The following GRID2 variants were observed in gnomAD, a reference collection of about 807,000 sequenced individuals.
GRID2 encodes glutamate ionotropic receptor delta type subunit 2, also known as glutamate receptor ionotropic, delta-2.
A neutral mutation model predicts 114.8 loss-of-function variants in GRID2; 33 were observed. The ratio of observed to expected loss-of-function variants is 0.29; its 90% CI spans 0.22 to 0.38. The LOEUF is 0.38. Among genes scored for constraint, GRID2 ranks in the 10% least tolerant of loss-of-function variants. The pLI, the probability that GRID2 is intolerant of heterozygous loss-of-function variation, is 1.00. For synonymous variants in GRID2, 505 were observed against 449.9 expected (o/e 1.12, Z -1.55); for missense variants, 1,184 against 1,257.7 (o/e 0.94, Z 0.89).
At chr4:93,588,614 C>T (rs1737784400) in intron 13 of GRID2, among the ~76,000 whole-genome samples, 1 of 152,112 alleles carries the variant, frequency 6.6e-6, no homozygotes, top group African/African-American at 2.4e-5. Flanking sequence ...GATTCATACC[C>T]ACCCAGCTTC....
chr4:92,644,235 T>C (rs1046676556), intron 2 of GRID2, among the ~76,000 whole-genome samples: 1 of 151,754 alleles, frequency 6.6e-6, no homozygotes, highest in Non-Finnish European at 1.5e-5. Flanking sequence ...CAACATAAAA[T>C]TAAGGAAATT....
intron 13 of GRID2, among the ~76,000 whole-genome samples, chr4:93,607,862 C>A (rs548759647): frequency 6.6e-6 from 1 of 151,898 alleles, no homozygotes; most frequent in African/African-American, 2.4e-5. Context: ...ATTTTGCACA[C>A]GCTATTCTTT....
intron 14 of GRID2, among the ~76,000 whole-genome samples, chr4:93,630,263 C>T (rs1349020416): frequency 2.0e-5 from 3 of 152,058 alleles, no homozygotes; most frequent in Admixed American, 2.0e-4. Context: ...CTACCTGACA[C>T]GATTTGTCAT....
intron 11 of GRID2, among the ~76,000 whole-genome samples, chr4:93,473,243 G>A (rs1163652429): frequency 1.3e-5 from 2 of 151,800 alleles, no homozygotes; most frequent in African/African-American, 4.8e-5. Context: ...CAATCTTTGT[G>A]CACATCCATG....
chr4:92,472,260 A>T lies in GRID2; in HGVS notation c.89-117871A>T, dbSNP rs571094563. On this transcript the variant is annotated intron_variant, in intron 1 of 15. Transcript: ENST00000282020. ...TATCCATATTTCTATGAATGTCAAT[A>T]GTTCATTGCTTGTTATAAATTTATA... Among the ~76,000 whole-genome samples the T allele has an allele frequency of 1.6e-3, 244 of 152,214 alleles. 2 individuals carry two copies. The highest frequency in any genetic ancestry group is 1.2e-3 in the Admixed American group (19 of 15,268).
intron 8 of GRID2, among the ~76,000 whole-genome samples, chr4:93,244,878 C>T (rs1995457): frequency 0.54 from 81,144 of 150,740 alleles, 22,941 homozygotes; most frequent in Middle Eastern, 0.74. Context: ...TTTATGTTTT[C>T]TTAAAGCACT....
chr4:92,467,190 ATACC>A (rs1265407610), intron 1 of GRID2, among the ~76,000 whole-genome samples: 2 of 151,946 alleles, frequency 1.3e-5, no homozygotes, highest in African/African-American at 4.8e-5. Context: ...AAATGTGAAA[ATACC>A]TATGAAGTAT....
At chr4:92,551,564 T>C (rs1414566600) in intron 1 of GRID2, among the ~76,000 whole-genome samples, 1 of 152,154 alleles carries the variant, frequency 6.6e-6, no homozygotes, top group Non-Finnish European at 1.5e-5. Context: ...TTGTTTTAGC[T>C]AATCATTCAT....
At chr4:93,471,233 T>C (rs923751887) in intron 11 of GRID2, among the ~76,000 whole-genome samples, 1 of 152,212 alleles carries the variant, frequency 6.6e-6, no homozygotes, top group African/African-American at 2.4e-5. Flanking sequence ...GTGCAGATGA[T>C]ATTTTGATAA....
intron 5 of GRID2, among the ~76,000 whole-genome samples, chr4:93,215,692 G>A (rs970829625): frequency 7.2e-5 from 11 of 151,922 alleles, no homozygotes; most frequent in South Asian, 2.1e-4. Context: ...TATAAAGGAC[G>A]ATTTTTGAAT....
chr4:92,755,304 C>T (rs1737659829), intron 2 of GRID2, among the ~76,000 whole-genome samples: 1 of 152,124 alleles, frequency 6.6e-6, no homozygotes, highest in East Asian at 1.9e-4. Flanking sequence ...CTGCTCTTAG[C>T]ACTGGGGATA....
intron 2 of GRID2, among the ~76,000 whole-genome samples, chr4:92,665,474 C>A (rs1046031803): frequency 6.6e-6 from 1 of 151,120 alleles, no homozygotes; most frequent in Non-Finnish European, 1.5e-5. Flanking sequence ...ACCAAAGTTA[C>A]AATAATGCTA....
At chr4:92,439,424 A>T (rs1302560767) in intron 1 of GRID2, among the ~76,000 whole-genome samples, 6 of 152,078 alleles carry the variant, frequency 3.9e-5, no homozygotes. Context: ...TCTTATATTA[A>T]TAAGAAAAAT....
chr4:92,473,694 A>G (rs1002196686), intron 1 of GRID2, among the ~76,000 whole-genome samples: 2 of 152,046 alleles, frequency 1.3e-5, no homozygotes, highest in Non-Finnish European at 2.9e-5. Flanking sequence ...GTTGTTAGCT[A>G]TCGCGTTCTA....
At chr4:93,088,248 G>A (rs1730494568) in intron 3 of GRID2, among the ~76,000 whole-genome samples, 1 of 151,918 alleles carries the variant, frequency 6.6e-6, no homozygotes, top group Admixed American at 6.6e-5. Context: ...AAAAAAATGT[G>A]GAAACTTTAT....
chr4:92,391,768 G>C (rs1730249066), intron 1 of GRID2, among the ~76,000 whole-genome samples: 1 of 152,100 alleles, frequency 6.6e-6, no homozygotes, highest in African/African-American at 2.4e-5. Context: ...CCCCTCTTCT[G>C]AGCTTTCCCT....
At chr4:92,617,714 A>T (rs1464862877) in intron 2 of GRID2, among the ~76,000 whole-genome samples, 2 of 151,730 alleles carry the variant, frequency 1.3e-5, no homozygotes, top group African/African-American at 2.4e-5. Context: ...CTACAGTATG[A>T]TACAACATCA....
chr4:93,633,969 C>G (rs1464206147), intron 14 of GRID2, among the ~76,000 whole-genome samples: 1 of 152,082 alleles, frequency 6.6e-6, no homozygotes, highest in Non-Finnish European at 1.5e-5. Flanking sequence ...GGCTTAAGCT[C>G]TGTATTCAGC....
At chr4:93,056,997 A>C (rs1727307569) in intron 2 of GRID2, among the ~76,000 whole-genome samples, 2 of 152,014 alleles carry the variant, frequency 1.3e-5, no homozygotes, top group African/African-American at 2.4e-5. Flanking sequence ...AATCCGAAGT[A>C]AAAATGTTTT....
Sources: gnomAD v4.1 joint callset for allele counts (sites outside exome capture counted in the v4.1 genomes callset) on GRCh38, gnomAD v4.1.1 for gene constraint, MANE v1.5 for transcripts, NCBI Gene and HGNC (gene_info 2026-07-23, HGNC 2026-07-21) for gene names.